The following GLG1 variants were observed in gnomAD, a reference collection of about 807,000 sequenced individuals.
GLG1 encodes Golgi apparatus protein 1.
GLG1 carries 38 observed loss-of-function variants against 160.5 expected under a neutral mutation model. The observed-to-expected ratio is 0.24, with a 90% CI of 0.18 to 0.31. The LOEUF is 0.31. Ranked by LOEUF, GLG1 falls within the 10% of genes least tolerant of loss-of-function variation. The pLI is 1.00. For synonymous variants in GLG1, 644 were observed against 543.4 expected (o/e 1.19, Z -2.57); for missense variants, 1,373 against 1,505.2 (o/e 0.91, Z 1.45).
chr16:74,497,530 C>T (rs1177278191), intron 4 of GLG1, among the ~76,000 whole-genome samples: 5 of 151,102 alleles, frequency 3.3e-5, no homozygotes, highest in African/African-American at 9.7e-5. Flanking sequence ...CTCCCACTCC[C>T]GGGTTCACTC....
chr16:74,462,184 T>C lies in GLG1; in HGVS notation c.2946A>G (p.Ser982=). The C allele has an allele frequency of 1.3e-6, 2 of 1,591,538 alleles. No individual in the cohort carries two copies. The highest frequency in any genetic ancestry group is 1.3e-5 in the African/African-American group (1 of 74,328). The change falls in exon 22 of 26, where the codon TCA becomes TCG. Residue 982 remains serine (S), a synonymous_variant. Coordinates refer to ENST00000422840, the MANE Select transcript of GLG1 (RefSeq NM_001145667.2). ...KLRYADQRLS[S]DCEDQIRIII... Reference sequence around the variant, plus strand: ...TGATTCGGATCTGGTCTTCACAGTCTGAAGACAGGCGCTGCATGTGACAAA... The same window carrying C: ...TGATTCGGATCTGGTCTTCACAGTCCGAAGACAGGCGCTGCATGTGACAAA...
At chr16:74,599,582 C>T (rs955823653) in intron 1 of GLG1, among the ~76,000 whole-genome samples, 2 of 151,872 alleles carry the variant, frequency 1.3e-5, no homozygotes, top group South Asian at 2.1e-4. Context: ...AGCCAAGCCT[C>T]GGCCGGACAC....
At chr16:74,526,391 T>C (rs2143579934) in intron 2 of GLG1, among the ~76,000 whole-genome samples, 1 of 145,990 alleles carries the variant, frequency 6.8e-6, no homozygotes, top group South Asian at 2.3e-4. Context: ...TGTGGAAAGA[T>C]TCATGACATT....
intron 1 of GLG1, among the ~76,000 whole-genome samples, chr16:74,572,733 T>C (rs997639985): frequency 6.6e-6 from 1 of 152,056 alleles, no homozygotes; most frequent in Non-Finnish European, 1.5e-5. Flanking sequence ...TAAATAGAAG[T>C]GTTCCCTTGA....
rs2143092836 is a variant in GLG1 at position 74,450,931 on chromosome 16, C to T, written c.*2236G>A. 6.6e-6 allele frequency: 1 copy of T among 152,030 alleles called. No homozygotes were observed. The highest frequency in any genetic ancestry group is 2.1e-4 in the South Asian group (1 of 4,818). 9.4% of individuals were successfully genotyped at this position (152,030 alleles called of 1,614,324 possible). A position where few individuals can be genotyped will look rare whatever the true frequency, so the allele number is the denominator to read the frequency against. ...CTGCAGACAACGAATGGGATTTTCTCTCAATTCAGAAAGAACAGAAATATC... is the reference window on the plus strand; with the variant it reads ...CTGCAGACAACGAATGGGATTTTCTTTCAATTCAGAAAGAACAGAAATATC... On this transcript the variant is annotated 3_prime_UTR_variant, in exon 26 of 26. Coordinates refer to ENST00000422840, the MANE Select transcript of GLG1 (RefSeq NM_001145667.2).
Position 74,496,446 on chromosome 16 carries a change from C to T in GLG1, c.973G>A (p.Glu325Lys), listed in dbSNP as rs989496436. The T allele has an allele frequency of 1.2e-6, 2 of 1,609,314 alleles. No homozygotes were observed. The highest frequency in any genetic ancestry group is 1.7e-6 in the Non-Finnish European group (2 of 1,175,764). ...ACRDDRERFC[E>K]NTQAGEGRVY... The stretch of plus-strand genomic sequence containing the variant: ...CAGTTTCTGAGCTGACTCACATTTT[C>T]ACAAAAACGCTCCCGATCATCTCGG... Residue 325 changes from glutamate to lysine, a missense_variant, in exon 5 of 26, where the codon GAA becomes AAA. Physicochemically the swap from Glu to Lys is moderately conservative, Grantham distance 56 (BLOSUM62 1). Around this residue, in one of 4 missense-constraint regions of GLG1, gnomAD observed 174 missense variants for 229.9 expected, o/e 0.76. Coordinates refer to ENST00000422840, the MANE Select transcript of GLG1 (RefSeq NM_001145667.2).
Position 74,496,597 on chromosome 16 carries a change from C to G in GLG1, c.822G>C (p.Leu274=). 1.2e-6 allele frequency: 2 copies of G among 1,613,280 alleles called. No homozygotes were observed. The highest frequency in any genetic ancestry group is 1.7e-6 in the Non-Finnish European group (2 of 1,179,420). ...GTTCTCTTTCTTCTGCTTCTTTCAC[C>G]AGGCCTTTCTCCAAGCATGATACCA... ...GEVVSCLEKG[L]VKEAEEREPK... Residue 274 remains leucine, a synonymous_variant, in exon 5 of 26, where the codon CTG becomes CTC. Coordinates refer to ENST00000422840, the MANE Select transcript of GLG1 (RefSeq NM_001145667.2).
intron 11 of GLG1, among the ~76,000 whole-genome samples, chr16:74,477,875 A>G (rs2015443658): frequency 1.3e-5 from 2 of 151,934 alleles, no homozygotes; most frequent in South Asian, 2.1e-4. Flanking sequence ...CGGGAGGCTG[A>G]GGCAGAAGAA....
intron 7 of GLG1, among the ~76,000 whole-genome samples, chr16:74,491,995 G>A (rs1331981607): frequency 6.6e-6 from 1 of 151,966 alleles, no homozygotes; most frequent in Non-Finnish European, 1.5e-5. Context: ...CAGACGGTTT[G>A]TTTAGTGATA....
At chr16:74,463,135 T>C (rs2014866516) in intron 20 of GLG1, 3 of 554,714 alleles carry the variant, frequency 5.4e-6, no homozygotes, top group Non-Finnish European at 9.4e-6. Context: ...CTGAACGTTC[T>C]TTTAGGGCAG....
chr16:74,495,282 T>A (rs1445522138), intron 5 of GLG1, among the ~76,000 whole-genome samples: 1 of 152,042 alleles, frequency 6.6e-6, no homozygotes, highest in Non-Finnish European at 1.5e-5. Context: ...CCCAACTAAT[T>A]TTTTTATTTT....
chr16:74,525,307 T>C (rs972822336), intron 2 of GLG1, among the ~76,000 whole-genome samples: 2 of 152,246 alleles, frequency 1.3e-5, no homozygotes, highest in African/African-American at 4.8e-5. Flanking sequence ...GTCCACCTTT[T>C]TGATTACACC....
At chr16:74,559,542 C>G (rs972226790) in intron 1 of GLG1, among the ~76,000 whole-genome samples, 6 of 152,154 alleles carry the variant, frequency 3.9e-5, no homozygotes, top group Non-Finnish European at 8.8e-5. Context: ...CCTTAATCCT[C>G]TGTCCTCTTT....
In GLG1 at chr16:74,470,446, A is replaced by AT. The variant is rs538522906; in HGVS notation, c.2230-374dup. ...AATAAAAATAGGACATATATTTGTAATTTTTTTTTTTTTTTTTTTTTGACA... is the reference window on the plus strand; with the variant it reads ...AATAAAAATAGGACATATATTTGTAATTTTTTTTTTTTTTTTTTTTTTGACA... On this transcript the variant is annotated intron_variant, in intron 15 of 25. Coordinates refer to ENST00000422840, the MANE Select transcript of GLG1 (RefSeq NM_001145667.2). Among the ~76,000 whole-genome samples the AT allele has an allele frequency of 4.9e-3, 455 of 93,688 alleles. 8 individuals are homozygous for AT. The highest frequency in any genetic ancestry group is 0.013 in the African/African-American group (304 of 24,116). 61.5% of individuals were successfully genotyped at this position (93,688 alleles called of 152,430 possible). A position where few individuals can be genotyped will look rare whatever the true frequency, so the allele number is the denominator to read the frequency against.
At chr16:74,569,071 G>A (rs1286733932) in intron 1 of GLG1, among the ~76,000 whole-genome samples, 1 of 152,170 alleles carries the variant, frequency 6.6e-6, no homozygotes, top group African/African-American at 2.4e-5. Context: ...CCCAAGGCCT[G>A]CCCAAGGTAG....
intron 1 of GLG1, among the ~76,000 whole-genome samples, chr16:74,546,128 G>A (rs1483812135): frequency 6.6e-6 from 1 of 152,060 alleles, no homozygotes; most frequent in Non-Finnish European, 1.5e-5. Flanking sequence ...TGTTCTTCAG[G>A]AGAGTACTGG....
intron 11 of GLG1, among the ~76,000 whole-genome samples, chr16:74,478,229 T>TC (rs1434378339): frequency 3.3e-5 from 5 of 152,084 alleles, no homozygotes; most frequent in Admixed American, 6.6e-5. Context: ...AGGTAGAAGG[T>TC]CAGATCCAAT....
At chr16:74,489,822 G>A in intron 8 of GLG1, among the ~76,000 whole-genome samples, 1 of 152,172 alleles carries the variant, frequency 6.6e-6, no homozygotes. Context: ...TCTACTCTGG[G>A]TCAAGGTGAG....
chr16:74,549,430 G>A (rs1164162702), intron 1 of GLG1, among the ~76,000 whole-genome samples: 3 of 152,094 alleles, frequency 2.0e-5, no homozygotes, highest in Non-Finnish European at 2.9e-5. Context: ...AGGACTACAG[G>A]CGCCCGCCAC....
Sources: gnomAD v4.1 joint callset for allele counts (sites outside exome capture counted in the v4.1 genomes callset) on GRCh38, gnomAD v4.1.1 for gene constraint, gnomAD v4.1.1 regional missense constraint, MANE v1.5 for transcripts, NCBI Gene and HGNC (gene_info 2026-07-23, HGNC 2026-07-21) for gene names.